Variants in DNAH8 observed in about 807,000 individuals in gnomAD.
DNAH8 encodes dynein axonemal heavy chain 8, also known as axonemal beta dynein heavy chain 8.
A neutral mutation model predicts 562.1 loss-of-function variants in DNAH8; 382 were observed. That is an observed-to-expected ratio of 0.68 (90% CI 0.63 to 0.74). DNAH8 has a LOEUF of 0.74. Among genes scored for constraint, DNAH8 ranks in the 30% least tolerant of loss-of-function variants. The pLI is 0.00. For missense variants in DNAH8, 5,203 were observed against 5,620.4 expected (o/e 0.93, Z 2.37); for synonymous variants, 1,881 against 1,919.4 (o/e 0.98, Z 0.52).
chr6:38,989,203 G>A (rs1420836199), intron 87 of DNAH8, among the ~76,000 whole-genome samples: 3 of 152,212 alleles, frequency 2.0e-5, no homozygotes, highest in Non-Finnish European at 4.4e-5. Flanking sequence ...AGTGCTCCGA[G>A]TAATTCAGAC....
At chr6:38,883,813 C>T (rs2150468763) in intron 55 of DNAH8, 63 bp from the exon 56 acceptor site, 1 of 1,326,640 alleles carries the variant, frequency 7.5e-7, no homozygotes, top group South Asian at 1.9e-5. Flanking sequence ...CAAGAATGCT[C>T]ATTATTTTTA....
In DNAH8 at chr6:38,770,472, T is replaced by C. The variant is rs201711281; in HGVS notation, c.1677T>C (p.Ile559=). The change falls in exon 12 of 93, where the codon ATT becomes ATC. Residue 559 remains isoleucine, a synonymous_variant. Coordinates refer to ENST00000327475, the MANE Select transcript of DNAH8 (RefSeq NM_001206927.2). ...QASFHKTRKL[I]SESSGEKSFE... ...CTTTTCATAAAACAAGGAAACTGAT[T>C]TCAGAATCCTCAGGGGAAAAATCTT... The C allele has an allele frequency of 6.2e-7, 1 of 1,607,980 alleles. No individual in the cohort carries two copies. The highest frequency in any genetic ancestry group is 1.7e-5 in the Admixed American group (1 of 59,066).
At position 38,958,422 on chromosome 6, in the gene DNAH8, A is replaced by G. The variant is rs533041596; in HGVS notation, c.12451+6902A>G. On this transcript the variant is annotated intron_variant, in intron 82 of 92. Coordinates refer to ENST00000327475, the MANE Select transcript of DNAH8 (RefSeq NM_001206927.2). ...AAAAAGAGATATGACTGGAAAAAAA[A>G]AAAAACAGAGATGAAAAAGGAGACA... Among the ~76,000 whole-genome samples, 30 of 151,660 alleles carry G rather than the reference A, an allele frequency of 2.0e-4. No homozygotes were observed. In the Middle Eastern group the frequency reaches 0.014, roughly 69 times the overall value.
chr6:38,984,143 C>A, intron 86 of DNAH8, 63 bp from the exon 87 acceptor site: 1 of 968,042 alleles, frequency 1.0e-6, no homozygotes, highest in Non-Finnish European at 1.6e-6. Flanking sequence ...GGGAAAGACC[C>A]GAAATGTTTA....
At chr6:38,947,642 C>G (rs1761543535) in intron 80 of DNAH8, among the ~76,000 whole-genome samples, 2 of 152,146 alleles carry the variant, frequency 1.3e-5, no homozygotes, top group Admixed American at 1.3e-4. Context: ...GCTCGCAACA[C>G]CCAGGCCCTG....
chr6:38,855,438 A>G (rs1169756039), intron 41 of DNAH8, among the ~76,000 whole-genome samples: 1 of 152,224 alleles, frequency 6.6e-6, no homozygotes, highest in African/African-American at 2.4e-5. Flanking sequence ...AATTATGACT[A>G]TTAATATTTT....
chr6:38,898,261 C>T lies in DNAH8; in HGVS notation c.8944C>T (p.Pro2982Ser). ...TTATCTTTCTCTCCACCCATAGATG[C>T]CATCCTTTGACTTTCTGGCTGAAAA... Reference protein sequence around the residue: ...FEVPKIYELMPSFDFLAEKLQ... With the variant: ...FEVPKIYELMSSFDFLAEKLQ... Residue 2982 changes from proline to serine, a missense_variant, in exon 61 of 93, where the codon CCA (proline) becomes TCA (serine). Pro to Ser is a moderately conservative substitution (Grantham distance 74). This residue lies in a region of DNAH8 where 977 missense variants were observed against 1,061.8 expected (regional missense o/e 0.92). Transcript: ENST00000327475. The T allele has an allele frequency of 6.3e-7, 1 of 1,587,132 alleles. No homozygotes were observed. Among genetic ancestry groups the T allele is most frequent in the Non-Finnish European group, 8.5e-7 (1 of 1,171,124 alleles).
rs1290274535 is a variant in DNAH8, at chr6:38,770,480, C to T, written c.1685C>T (p.Ser562Phe). 2.5e-6 allele frequency: 4 copies of T among 1,607,250 alleles called. No individual in the cohort carries two copies. The highest frequency in any genetic ancestry group is 1.7e-6 in the Non-Finnish European group (2 of 1,177,020). ...AAAACAAGGAAACTGATTTCAGAAT[C>T]CTCAGGGGAAAAATCTTTTGAGGTT... ...FHKTRKLISESSGEKSFEVSE... is the reference protein window; with the variant it reads ...FHKTRKLISEFSGEKSFEVSE... Residue 562 changes from serine to phenylalanine, a missense_variant, in exon 12 of 93, where the codon TCC becomes TTC. This residue lies in a region of DNAH8 where 2,176 missense variants were observed against 2,365.1 expected (regional missense o/e 0.92). Coordinates refer to ENST00000327475, the MANE Select transcript of DNAH8 (RefSeq NM_001206927.2).
intron 4 of DNAH8, 84 bp from the exon 5 acceptor site, chr6:38,734,390 A>C (rs1384424434): frequency 2.8e-5 from 40 of 1,447,130 alleles, no homozygotes; most frequent in Non-Finnish European, 3.6e-5. Context: ...GTAAAACAGG[A>C]AACAATAGTG....
chr6:38,860,843 T>C (rs2150407418), intron 43 of DNAH8, among the ~76,000 whole-genome samples: 1 of 152,308 alleles, frequency 6.6e-6, no homozygotes, highest in Non-Finnish European at 1.5e-5. Flanking sequence ...AAAAGCAAGC[T>C]TGAATGTTGA....
chr6:38,923,990 G>A lies in DNAH8; in HGVS notation c.10791-1G>A, dbSNP rs1781918317. 1 of 1,613,860 alleles carries A rather than the reference G, an allele frequency of 6.2e-7. No individual in the cohort carries two copies. On this transcript the variant is annotated splice_acceptor_variant, in intron 72 of 92. Transcript: ENST00000327475. LOFTEE classifies it high-confidence loss of function. ...GAGGGGGCTGTGTGTTTTCTTCACA[G>A]ACTTGTAGGTGATATTCTGCTGTGC...
In DNAH8 at chr6:38,949,570, G is replaced by A. The variant is rs568273371; in HGVS notation, c.12248G>A (p.Arg4083Lys). The change falls in exon 81 of 93, where the codon AGG becomes AAG. Residue 4083 changes from arginine (R) to lysine (K), a missense_variant and splice_region_variant. This residue lies in a region of DNAH8 where 1,399 missense variants were observed against 1,518.4 expected (regional missense o/e 0.92). Coordinates refer to ENST00000327475, the MANE Select transcript of DNAH8 (RefSeq NM_001206927.2). ...LDTCHKLLLI[R>K]SWCPDRTVFQ... ...ACCTGCCATAAACTTTTACTTATCA[G>A]GTGAGAACAGGCATTATCAGACCTA... 1 of 1,505,804 alleles carries A rather than the reference G, an allele frequency of 6.6e-7. No individual in the cohort carries two copies. The highest frequency in any genetic ancestry group is 1.4e-5 in the African/African-American group (1 of 72,842). 93.3% of individuals were successfully genotyped at this position (1,505,804 alleles called of 1,614,324 possible). A position where few individuals can be genotyped will look rare whatever the true frequency, so the allele number is the denominator to read the frequency against.
intron 24 of DNAH8, among the ~76,000 whole-genome samples, chr6:38,811,235 T>C (rs1771767155): frequency 6.6e-6 from 1 of 152,208 alleles, no homozygotes; most frequent in African/African-American, 2.4e-5. Flanking sequence ...ATTAATTGAA[T>C]GTTGGGTAGA....
chr6:38,974,913 G>A (rs1339992105), intron 85 of DNAH8, among the ~76,000 whole-genome samples: 1 of 152,170 alleles, frequency 6.6e-6, no homozygotes, highest in East Asian at 1.9e-4. Context: ...AATTTTATGT[G>A]CACCATCTCC....
At position 38,883,408 on chromosome 6, in the gene DNAH8, A is replaced by G. The variant is rs59600851; in HGVS notation, c.8088A>G (p.Leu2696=). 1.9e-4 allele frequency: 303 copies of G among 1,613,040 alleles called. 2 individuals are homozygous for G. In the African/African-American group the frequency reaches 3.3e-3, roughly 18 times the overall value. ...AAAAATATGATCCTGAAGTACAGCT[A>G]TCCAAAAGTCTAAACTTTTCATCTG... is the stretch of plus-strand genomic sequence containing the variant. The part of the protein sequence containing the change: ...YLKKYDPEVQ[L]SKSLNFSSAT... Residue 2696 remains leucine, a synonymous_variant, in exon 55 of 93, where the codon CTA becomes CTG. Coordinates refer to ENST00000327475, the MANE Select transcript of DNAH8 (RefSeq NM_001206927.2).
chr6:39,019,933 G>A (rs1766799906), intron 91 of DNAH8, among the ~76,000 whole-genome samples: 1 of 152,126 alleles, frequency 6.6e-6, no homozygotes, highest in Non-Finnish European at 1.5e-5. Flanking sequence ...GGTTGAGCCG[G>A]GGCAACCTGG....
intron 26 of DNAH8, 106 bp downstream of exon 26, chr6:38,815,763 A>G: frequency 1.8e-6 from 2 of 1,099,636 alleles, no homozygotes; most frequent in Admixed American, 2.9e-5. Flanking sequence ...CATTTAAAAA[A>G]TAGTATGTTT....
At chr6:38,992,140 A>T (rs1471334342) in intron 88 of DNAH8, among the ~76,000 whole-genome samples, 1 of 151,854 alleles carries the variant, frequency 6.6e-6, no homozygotes, top group Admixed American at 6.6e-5. Context: ...TAATTTTTGT[A>T]TTTTTTAGTA....
In DNAH8 at chr6:38,866,818, T is replaced by C. The variant is rs1237461986; in HGVS notation, c.6635T>C (p.Ile2212Thr). The C allele has an allele frequency of 1.2e-6, 2 of 1,613,630 alleles. No individual in the cohort carries two copies. The highest frequency in any genetic ancestry group is 8.5e-7 in the Non-Finnish European group (1 of 1,179,768). ...LASCGFLENVILAQKFYVLYK... is the reference protein window; with the variant it reads ...LASCGFLENVTLAQKFYVLYK... ...AGCTGTGGTTTTCTTGAAAATGTTATCTTGGCTCAAAAATTTTACGTTCTT... is the reference window on the plus strand; with the variant it reads ...AGCTGTGGTTTTCTTGAAAATGTTACCTTGGCTCAAAAATTTTACGTTCTT... The change falls in exon 47 of 93, where the codon ATC (isoleucine) becomes ACC (threonine). Residue 2212 changes from isoleucine to threonine, a missense_variant. Ile to Thr is a moderately conservative substitution (Grantham distance 89, BLOSUM62 -1). Around this residue, in one of 6 missense-constraint regions of DNAH8, gnomAD observed 2,176 missense variants for 2,365.1 expected, o/e 0.92. Transcript: ENST00000327475.
Sources: gnomAD v4.1 joint callset for allele counts (sites outside exome capture counted in the v4.1 genomes callset) on GRCh38, gnomAD v4.1.1 for gene constraint, gnomAD v4.1.1 regional missense constraint, MANE v1.5 for transcripts, NCBI Gene and HGNC (gene_info 2026-07-23, HGNC 2026-07-21) for gene names.